ALDH7A1: variants seen among roughly 807,000 people sequenced by gnomAD.
ALDH7A1 encodes alpha-aminoadipic semialdehyde dehydrogenase.
In ALDH7A1, 63 loss-of-function variants were observed where a neutral mutation model predicts 79.9. That is an observed-to-expected ratio of 0.79 (90% CI 0.64 to 0.97). The LOEUF is 0.97. Among genes scored for constraint, ALDH7A1 ranks in the 50% least tolerant of loss-of-function variants. ALDH7A1 has a pLI of 0.00. For missense variants in ALDH7A1, 627 were observed against 665.2 expected (o/e 0.94, Z 0.63); for synonymous variants, 240 against 231.2 (o/e 1.04, Z -0.34).
In ALDH7A1 at chr5:126,595,188, A is replaced by C. The variant is rs1252687808; in HGVS notation, c.11T>G (p.Leu4Arg). 7 of 1,551,542 alleles carry C rather than the reference A, an allele frequency of 4.5e-6. No homozygotes were observed. The highest frequency in any genetic ancestry group is 6.1e-6 in the Non-Finnish European group (7 of 1,146,986). MWR[L>R]PRALCVHAAK... ...AGCGTGCACACACAGCGCGCGAGGA[A>C]GGCGCCACATACTGAGCCCGGGACT... Residue 4 changes from leucine (L) to arginine (R), a missense_variant, in exon 1 of 18, where the codon CTT (leucine) becomes CGT (arginine). By Grantham distance (102) the Leu-to-Arg change is moderately radical. Coordinates refer to ENST00000409134, the MANE Select transcript of ALDH7A1 (RefSeq NM_001182.5).
intron 16 of ALDH7A1, among the ~76,000 whole-genome samples, chr5:126,547,157 C>A (rs1032448077): frequency 6.6e-6 from 1 of 152,228 alleles, no homozygotes; most frequent in African/African-American, 2.4e-5. Context: ...TGAGCACCTG[C>A]CTGAGGTTCC....
chr5:126,556,004 T>C lies in ALDH7A1; in HGVS notation c.1020A>G (p.Glu340=). Residue 340 remains glutamate, a synonymous_variant, in exon 12 of 18, where the codon GAA becomes GAG. Transcript: ENST00000409134. ...TGTTTACAACCTCATCATGGATGCT[T>C]TCATGTATAAACTAAACGAAAAAAG... The part of the protein sequence containing the change: ...CTTARRLFIH[E]SIHDEVVNRL... 6.2e-7 allele frequency: 1 copy of C among 1,613,014 alleles called. No homozygotes were observed.
At chr5:126,570,693 A>G (rs1033692533) in intron 8 of ALDH7A1, 89 bp downstream of exon 8, 4 of 1,259,224 alleles carry the variant, frequency 3.2e-6, no homozygotes, top group Non-Finnish European at 4.7e-6. Context: ...CTCCTTAGTT[A>G]TAAGTGAGTT....
chr5:126,550,234 G>T lies in ALDH7A1; in HGVS notation c.1377C>A (p.Ile459=). The change falls in exon 15 of 18, where the codon ATC becomes ATA. Residue 459 remains isoleucine (I), a synonymous_variant. Transcript: ENST00000409134. The part of the protein sequence containing the change: ...NEVKQGLSSS[I]FTKDLGRIFR... ...AGATTCTGCCCAGATCTTTGGTAAA[G>T]ATGCTACTTGAAAGTCCCTGTTTTA... 6.2e-7 allele frequency: 1 copy of T among 1,613,464 alleles called. No individual in the cohort carries two copies. The highest frequency in any genetic ancestry group is 8.5e-7 in the Non-Finnish European group (1 of 1,179,946).
intron 8 of ALDH7A1, 188 bp from the exon 9 acceptor site, chr5:126,568,544 G>A (rs2112782604): frequency 1.6e-6 from 1 of 612,462 alleles, no homozygotes; most frequent in Non-Finnish European, 2.9e-6. Context: ...GAACCATTAG[G>A]CAGAAGAGGC....
intron 5 of ALDH7A1, among the ~76,000 whole-genome samples, chr5:126,582,488 C>A (rs1253874218): frequency 1.3e-5 from 2 of 152,118 alleles, no homozygotes; most frequent in Non-Finnish European, 2.9e-5. Flanking sequence ...TTTATTGATG[C>A]CACAATGAAC....
chr5:126,564,913 C>T (rs1750516853), intron 9 of ALDH7A1, among the ~76,000 whole-genome samples: 1 of 152,182 alleles, frequency 6.6e-6, no homozygotes, highest in African/African-American at 2.4e-5. Context: ...CCAAGAAAAG[C>T]ACCTATAATT....
chr5:126,558,166 C>CAAAAAAAAAAAAAAA (rs35559498), intron 11 of ALDH7A1, among the ~76,000 whole-genome samples: 2 of 75,428 alleles, frequency 2.7e-5, no homozygotes, highest in African/African-American at 5.5e-5. Flanking sequence ...GACTCCAACT[C>CAAAAAAAAAAAAAAA]AAAAAAAAAA....
chr5:126,545,701 G>T (rs576746003), intron 17 of ALDH7A1, among the ~76,000 whole-genome samples: 3 of 150,860 alleles, frequency 2.0e-5, no homozygotes, highest in Non-Finnish European at 4.4e-5. Context: ...CAGGAGAATC[G>T]CTGGAATCTG....
chr5:126,581,208 T>G (rs1446198676), intron 5 of ALDH7A1: 1 of 152,094 alleles, frequency 6.6e-6, no homozygotes, highest in Non-Finnish European at 1.5e-5. Flanking sequence ...ACAGAACAGC[T>G]TGTAATAGCA....
intron 9 of ALDH7A1, among the ~76,000 whole-genome samples, chr5:126,566,337 G>A (rs922889720): frequency 3.9e-5 from 6 of 151,996 alleles, no homozygotes; most frequent in East Asian, 1.9e-4. Flanking sequence ...TCTTTTTGAC[G>A]CTACTACAAA....
chr5:126,595,152 C>CTGGT lies in ALDH7A1; in HGVS notation c.43_46dup (p.Ser16AsnfsTer42), dbSNP rs767805540. On this transcript the variant is annotated frameshift_variant, in exon 1 of 18. Transcript: ENST00000409134. LOFTEE classifies it high-confidence loss of function. The stretch of plus-strand genomic sequence containing the variant: ...CCTGCTCCAAGGTCCAGAGAGCTTG[C>CTGGT]TGGTCTTTGCAGCGTGCACACACAG... The CTGGT allele has an allele frequency of 4.6e-5, 72 of 1,558,636 alleles. No homozygotes were observed. The highest frequency in any genetic ancestry group is 6.8e-5 in the African/African-American group (5 of 73,408).
At chr5:126,579,301 C>T (rs556224373) in intron 5 of ALDH7A1, among the ~76,000 whole-genome samples, 6 of 152,332 alleles carry the variant, frequency 3.9e-5, no homozygotes, top group African/African-American at 9.6e-5. Flanking sequence ...ACTCCTTCTC[C>T]TCTTTGTCCC....
rs200394848 is a variant in ALDH7A1 at position 126,556,007 on chromosome 5, A to G, written c.1017T>C (p.His339=). 5.6e-5 allele frequency: 90 copies of G among 1,612,562 alleles called. No homozygotes were observed. Among genetic ancestry groups the G allele is most frequent in the Middle Eastern group, 1.7e-4 (1 of 6,054 alleles). The change falls in exon 12 of 18, where the codon CAT becomes CAC. Residue 339 remains histidine, a synonymous_variant. Transcript: ENST00000409134. ...TTACAACCTCATCATGGATGCTTTC[A>G]TGTATAAACTAAACGAAAAAAGATA... ...RCTTARRLFI[H]ESIHDEVVNR...
At chr5:126,558,158 C>T (rs571184154) in intron 11 of ALDH7A1, among the ~76,000 whole-genome samples, 35 of 99,564 alleles carry the variant, frequency 3.5e-4, no homozygotes, top group Admixed American at 3.0e-3. Flanking sequence ...CAGAGCGAGA[C>T]TCCAACTCAA....
In ALDH7A1 at chr5:126,544,368, T is replaced by G. The variant is rs1005304828; in HGVS notation, c.*597A>C. On this transcript the variant is annotated 3_prime_UTR_variant, in exon 18 of 18. Transcript: ENST00000409134. The stretch of plus-strand genomic sequence containing the variant: ...AAAATCTGTCTACCCCAGAAATCTC[T>G]TCCAAGTTGACACAGCCTTCATAAG... 1.0e-4 allele frequency: 16 copies of G among 156,530 alleles called. No homozygotes were observed. The highest frequency in any genetic ancestry group is 3.9e-4 in the African/African-American group (16 of 41,450). The allele number at this position is 156,530 out of a possible 1,614,324, so 9.7% of individuals were successfully genotyped here.
chr5:126,593,612 A>T, intron 1 of ALDH7A1: 4 of 692,954 alleles, frequency 5.8e-6, no homozygotes, highest in Non-Finnish European at 9.6e-6. Context: ...ACCTTTCTGC[A>T]AAACTCGCCT....
Position 126,554,409 on chromosome 5 carries a change from G to A in ALDH7A1, c.1094-16C>T, listed in dbSNP as rs748363284. 6.2e-7 allele frequency: 1 copy of A among 1,610,352 alleles called. No individual in the cohort carries two copies. Among genetic ancestry groups the A allele is most frequent in the Non-Finnish European group, 8.5e-7 (1 of 1,176,526 alleles). ...AGAACATTAGCTGGAGAGAGAAAAG[G>A]AAGGCTGGCTCATCATTTTGCCCTT... On this transcript the variant is annotated splice_polypyrimidine_tract_variant and intron_variant, in intron 12 of 17. Coordinates refer to ENST00000409134, the MANE Select transcript of ALDH7A1 (RefSeq NM_001182.5).
intron 1 of ALDH7A1, chr5:126,593,714 G>C (rs1431884156): frequency 2.0e-6 from 1 of 491,534 alleles, no homozygotes; most frequent in African/African-American, 1.9e-5. Flanking sequence ...AAACTGACTA[G>C]TTTTAGTTAT....
Sources: gnomAD v4.1 joint callset for allele counts (sites outside exome capture counted in the v4.1 genomes callset) on GRCh38, gnomAD v4.1.1 for gene constraint, MANE v1.5 for transcripts, NCBI Gene and HGNC (gene_info 2026-07-23, HGNC 2026-07-21) for gene names.